Variants in FARSA observed in about 807,000 individuals in gnomAD.
The protein encoded by FARSA is phenylalanine--tRNA ligase alpha subunit.
Under a neutral mutation model 63.2 loss-of-function variants are expected in FARSA, and 37 were observed. That is an observed-to-expected ratio of 0.59 (90% CI 0.45 to 0.77). The LOEUF (loss-of-function observed/expected upper bound fraction) is 0.77. Among genes scored for constraint, FARSA ranks in the 30% least tolerant of loss-of-function variants. The pLI is 0.00. For missense variants in FARSA, 618 were observed against 696.6 expected (o/e 0.89, Z 1.27); for synonymous variants, 312 against 285.1 (o/e 1.09, Z -0.95).
chr19:12,925,618 A>C (rs1168827602), intron 7 of FARSA, among the ~76,000 whole-genome samples: 1 of 151,886 alleles, frequency 6.6e-6, no homozygotes, highest in Non-Finnish European at 1.5e-5. Context: ...TCGGCCTCCC[A>C]GTGTTGGGAT....
At position 12,924,813 on chromosome 19, in the gene FARSA, G is replaced by A. The variant is rs1971307336; in HGVS notation, c.1027-6C>T. The A allele has an allele frequency of 1.2e-6, 2 of 1,610,748 alleles. No homozygotes were observed. The highest frequency in any genetic ancestry group is 2.2e-5 in the East Asian group (1 of 44,804). ...TTGACCGGAGTGAAGGGCTTCTAGG[G>A]GTGACAACCGAGCCAGGCCCAGGTA... On this transcript the variant is annotated splice_region_variant and splice_polypyrimidine_tract_variant and intron_variant, in intron 9 of 12. Coordinates refer to ENST00000314606, the MANE Select transcript of FARSA (RefSeq NM_004461.3). This position sits in a 1 kb window ranked among gnomAD's most constrained non-coding sequence, Gnocchi z 6.4.
At chr19:12,926,242 C>T (rs974899933) in intron 7 of FARSA, among the ~76,000 whole-genome samples, 55 of 150,790 alleles carry the variant, frequency 3.6e-4, no homozygotes, top group South Asian at 6.3e-4. Context: ...TGAGCCACCG[C>T]GCCCGGCCTA....
chr19:12,930,138 G>A, intron 4 of FARSA, 85 bp downstream of exon 4: 2 of 1,076,220 alleles, frequency 1.9e-6, no homozygotes, highest in South Asian at 2.7e-5. Flanking sequence ...TGTGCTTGGT[G>A]TGGGCAAGAT....
intron 7 of FARSA, among the ~76,000 whole-genome samples, 192 bp downstream of exon 7, chr19:12,928,150 G>A (rs1971348655): frequency 6.6e-6 from 1 of 151,484 alleles, no homozygotes; most frequent in Non-Finnish European, 1.5e-5. Context: ...TCCCTATGTT[G>A]CCTGAGCTGG....
At position 12,924,631 on chromosome 19, in the gene FARSA, C is replaced by G. The variant is rs1437634969; in HGVS notation, c.1195+8G>C. ...ACCACCATGGCCCACCCCTGCCCCC[C>G]TGCTCACCCAGCTTGGTGAAGAACT... is the stretch of plus-strand genomic sequence containing the variant. On this transcript the variant is annotated splice_region_variant and intron_variant, in intron 10 of 12. Coordinates refer to ENST00000314606, the MANE Select transcript of FARSA (RefSeq NM_004461.3). This position sits in a 1 kb window ranked among gnomAD's most constrained non-coding sequence, Gnocchi z 6.4. 1 of 1,607,346 alleles carries G rather than the reference C, an allele frequency of 6.2e-7. No individual in the cohort carries two copies. The highest frequency in any genetic ancestry group is 1.3e-5 in the African/African-American group (1 of 74,888).
rs548716209 is a variant in FARSA at position 12,929,646 on chromosome 19, T to C, written c.503+577A>G. 3.3e-5 allele frequency among the ~76,000 whole-genome samples: 5 copies of C among 152,310 alleles called. No individual in the cohort carries two copies. In the South Asian group the frequency reaches 6.2e-4, roughly 19 times the overall value. On this transcript the variant is annotated intron_variant, in intron 4 of 12. Coordinates refer to ENST00000314606, the MANE Select transcript of FARSA (RefSeq NM_004461.3). Reference sequence around the variant, plus strand: ...CACACACTTGGCCCAGGCTATTTTATAGATAAGGAAACGGAGACCAGCAAA... The same window carrying C: ...CACACACTTGGCCCAGGCTATTTTACAGATAAGGAAACGGAGACCAGCAAA...
At chr19:12,925,054 C>T in intron 8 of FARSA, 36 bp downstream of exon 8, 7 of 1,612,886 alleles carry the variant, frequency 4.3e-6, no homozygotes, top group Non-Finnish European at 5.9e-6. Flanking sequence ...GGTCCCCAGC[C>T]TCCTTCCCTT....
At chr19:12,931,388 C>T (rs1370301280) in intron 1 of FARSA, among the ~76,000 whole-genome samples, 1 of 152,080 alleles carries the variant, frequency 6.6e-6, no homozygotes, top group Admixed American at 6.6e-5. Flanking sequence ...CTCAGCCTCC[C>T]GAGTAGCTCG....
chr19:12,923,163 T>C (rs933111505), intron 12 of FARSA, among the ~76,000 whole-genome samples: 5 of 152,202 alleles, frequency 3.3e-5, no homozygotes, highest in South Asian at 2.1e-4. Context: ...TCTCATGGTT[T>C]ACCTCTTTAT....
intron 1 of FARSA, 121 bp from the exon 2 acceptor site, chr19:12,930,870 G>T: frequency 3.6e-5 from 42 of 1,157,478 alleles, no homozygotes; most frequent in East Asian, 7.3e-5. Flanking sequence ...TCACATCCCA[G>T]CTATACAACT....
intron 7 of FARSA, among the ~76,000 whole-genome samples, chr19:12,925,681 G>T (rs995335034): frequency 6.6e-6 from 1 of 151,240 alleles, no homozygotes; most frequent in Non-Finnish European, 1.5e-5. Context: ...ACGTATGTAT[G>T]TATGTATTTT....
At chr19:12,928,023 C>CAAAAAAAA (rs34586259) in intron 7 of FARSA, among the ~76,000 whole-genome samples, 14 of 73,386 alleles carry the variant, frequency 1.9e-4, no homozygotes, top group South Asian at 7.3e-4. Context: ...GACCCTGTCT[C>CAAAAAAAA]AAAAAAAAAA....
At chr19:12,930,808 C>G (rs529869887) in intron 1 of FARSA, 59 bp from the exon 2 acceptor site, 8 of 1,591,922 alleles carry the variant, frequency 5.0e-6, no homozygotes, top group South Asian at 4.4e-5. Context: ...CCAGGCACCC[C>G]CTTTCTGCAG....
intron 4 of FARSA, among the ~76,000 whole-genome samples, chr19:12,929,590 C>T (rs560155969): frequency 1.3e-5 from 2 of 152,328 alleles, no homozygotes; most frequent in South Asian, 4.2e-4. Context: ...ACACTTCAGC[C>T]TCCTGAGTAG....
rs758807793 is a variant in FARSA, at chr19:12,930,731, G to A, written c.166C>T (p.Arg56Trp). ...GTAAGCTCCCAGTGCTTGGTGGACC[G>A]AAGTTCAGCCTCGATGACCTAGAGG... ...ALGEVIEAELRSTKHWELTAE... is the reference protein window; with the variant it reads ...ALGEVIEAELWSTKHWELTAE... The change falls in exon 2 of 13, where the codon CGG (arginine) becomes TGG (tryptophan). Residue 56 changes from arginine to tryptophan, a missense_variant. By Grantham distance (101) the Arg-to-Trp change is moderately radical. Coordinates refer to ENST00000314606, the MANE Select transcript of FARSA (RefSeq NM_004461.3). The A allele has an allele frequency of 2.5e-6, 4 of 1,609,944 alleles. No homozygotes were observed. The highest frequency in any genetic ancestry group is 2.2e-5 in the East Asian group (1 of 44,878).
chr19:12,930,743 C>G lies in FARSA; in HGVS notation c.154G>C (p.Glu52Gln). 4 of 1,607,552 alleles carry G rather than the reference C, an allele frequency of 2.5e-6. No homozygotes were observed. In the East Asian group the frequency reaches 6.7e-5, roughly 27 times the overall value. Reference sequence around the variant, plus strand: ...TGCTTGGTGGACCGAAGTTCAGCCTCGATGACCTAGAGGGAAATGTGGGGA... The same window carrying G: ...TGCTTGGTGGACCGAAGTTCAGCCTGGATGACCTAGAGGGAAATGTGGGGA... Reference protein sequence around the residue: ...KSLQALGEVIEAELRSTKHWE... With the variant: ...KSLQALGEVIQAELRSTKHWE... The change falls in exon 2 of 13, where the codon GAG becomes CAG. Residue 52 changes from glutamate (E) to glutamine (Q), a missense_variant. Transcript: ENST00000314606.
Position 12,930,449 on chromosome 19 carries a change from C to T in FARSA, c.364G>A (p.Gly122Arg), listed in dbSNP as rs771169495. ...CGCACCACTCGGAACACCCGGGGCC[C>T]GTCAGCCGCACTCTTGTCCACCCGA... ...WIRVDKSAAD[G>R]PRVFRVVDSM... The change falls in exon 3 of 13, where the codon GGG becomes AGG. Residue 122 changes from glycine (G) to arginine (R), a missense_variant. Gly to Arg is a moderately radical substitution (Grantham distance 125, BLOSUM62 -2). Coordinates refer to ENST00000314606, the MANE Select transcript of FARSA (RefSeq NM_004461.3). 3.1e-6 allele frequency: 5 copies of T among 1,614,002 alleles called. No homozygotes were observed. Among genetic ancestry groups the T allele is most frequent in the Admixed American group, 1.7e-5 (1 of 60,006 alleles).
rs1310670166 is a variant in FARSA at position 12,930,726 on chromosome 19, G to GA, written c.170_171insT (p.Thr58HisfsTer20). 6.2e-7 allele frequency: 1 copy of GA among 1,610,658 alleles called. No individual in the cohort carries two copies. Among genetic ancestry groups the GA allele is most frequent in the Non-Finnish European group, 8.5e-7 (1 of 1,180,012 alleles). On this transcript the variant is annotated frameshift_variant, in exon 2 of 13. Transcript: ENST00000314606. LOFTEE classifies it high-confidence loss of function. ...CCGCAGTAAGCTCCCAGTGCTTGGTGGACCGAAGTTCAGCCTCGATGACCT... is the reference window on the plus strand; with the variant it reads ...CCGCAGTAAGCTCCCAGTGCTTGGTGAGACCGAAGTTCAGCCTCGATGACCT...
At position 12,933,498 on chromosome 19, in the gene FARSA, G is replaced by A. The variant is rs535519356; in HGVS notation, c.147+52C>T. On this transcript the variant is annotated intron_variant, in intron 1 of 12. Coordinates refer to ENST00000314606, the MANE Select transcript of FARSA (RefSeq NM_004461.3). ...CTTGGACGTAGAGCGCCCGTGGCAA[G>A]GGGACTGTAGGTGCAAGGGCAAGGC... 5.6e-5 allele frequency: 85 copies of A among 1,522,900 alleles called. No homozygotes were observed. In the South Asian group the frequency reaches 9.1e-4, roughly 16 times the overall value. 94.3% of individuals were successfully genotyped at this position (1,522,900 alleles called of 1,614,324 possible).
Sources: gnomAD v4.1 joint callset for allele counts (sites outside exome capture counted in the v4.1 genomes callset) on GRCh38, gnomAD v4.1.1 for gene constraint, Gnocchi (gnomAD v3.1) non-coding constraint, MANE v1.5 for transcripts, NCBI Gene and HGNC (gene_info 2026-07-23, HGNC 2026-07-21) for gene names.